Variants in DACH1 observed in about 807,000 individuals in gnomAD.
DACH1 encodes the protein dachshund homolog 1.
In DACH1, 12 loss-of-function variants were observed where a neutral mutation model predicts 54.2. The observed-to-expected ratio is 0.22, with a 90% CI of 0.14 to 0.36. The LOEUF (loss-of-function observed/expected upper bound fraction) is 0.36, where lower values mean the gene tolerates loss of function less well. Among genes scored for constraint, DACH1 ranks in the 10% least tolerant of loss-of-function variants. The pLI is 1.00. For synonymous variants in DACH1, 386 were observed against 366.2 expected (o/e 1.05, Z -0.62); for missense variants, 805 against 929.8 (o/e 0.87, Z 1.75).
intron 1 of DACH1, among the ~76,000 whole-genome samples, chr13:71,685,200 C>A (rs927628599): frequency 1.3e-5 from 2 of 152,136 alleles, no homozygotes; most frequent in African/African-American, 4.8e-5. Flanking sequence ...AGAATAGACC[C>A]GGTGGGCTCC....
At chr13:71,821,759 G>A (rs1888197574) in intron 1 of DACH1, among the ~76,000 whole-genome samples, 2 of 151,864 alleles carry the variant, frequency 1.3e-5, no homozygotes, top group African/African-American at 4.8e-5. Context: ...ACTATTAAAC[G>A]ACTGCAGTAT....
intron 6 of DACH1, among the ~76,000 whole-genome samples, chr13:71,552,840 TATAGAGAGAGAGAG>T (rs1883956966): frequency 1.8e-4 from 3 of 16,860 alleles, no homozygotes; most frequent in Admixed American, 8.2e-4. Flanking sequence ...TATATATATA[TATAGAGAGAGAGAG>T]AGAGAGAGAG....
chr13:71,590,851 C>T (rs1333147584), intron 3 of DACH1, among the ~76,000 whole-genome samples: 1 of 146,384 alleles, frequency 6.8e-6, no homozygotes, highest in Non-Finnish European at 1.5e-5. Context: ...TTCTTTTTCT[C>T]TCTCTGTCTC....
chr13:71,758,052 A>G (rs73525437), intron 1 of DACH1, among the ~76,000 whole-genome samples: 438 of 152,274 alleles, frequency 2.9e-3, no homozygotes, highest in African/African-American at 0.01. Flanking sequence ...TGATAATTTC[A>G]AATATTTTTA....
chr13:71,772,852 T>TA (rs1485298542), intron 1 of DACH1, among the ~76,000 whole-genome samples: 1 of 151,762 alleles, frequency 6.6e-6, no homozygotes. Flanking sequence ...AAATGAGATC[T>TA]AAAAATATGC....
intron 6 of DACH1, among the ~76,000 whole-genome samples, chr13:71,541,481 A>G (rs1418164975): frequency 1.3e-5 from 2 of 152,132 alleles, no homozygotes; most frequent in Non-Finnish European, 2.9e-5. Flanking sequence ...TAAAAACATC[A>G]ATTAAAGAAA....
chr13:71,595,782 G>A (rs1874052543), intron 3 of DACH1, among the ~76,000 whole-genome samples: 1 of 152,012 alleles, frequency 6.6e-6, no homozygotes, highest in Admixed American at 6.6e-5. Context: ...CACTCCTTAG[G>A]AGAGCACAAA....
intron 6 of DACH1, among the ~76,000 whole-genome samples, chr13:71,517,246 T>C (rs1376838793): frequency 6.6e-6 from 1 of 151,894 alleles, no homozygotes; most frequent in Admixed American, 6.6e-5. Context: ...CAAATGGTTG[T>C]AAAAATCTCA....
intron 1 of DACH1, among the ~76,000 whole-genome samples, chr13:71,832,092 T>C (rs546162886): frequency 6.6e-6 from 1 of 152,044 alleles, no homozygotes; most frequent in East Asian, 1.9e-4. Flanking sequence ...TTTGAACGCA[T>C]TTCTTGTGTT....
intron 1 of DACH1, among the ~76,000 whole-genome samples, chr13:71,757,867 A>G (rs1885235604): frequency 1.3e-5 from 2 of 152,080 alleles, no homozygotes; most frequent in Non-Finnish European, 2.9e-5. Context: ...GATAATCACA[A>G]TGGCATTTCT....
intron 4 of DACH1, among the ~76,000 whole-genome samples, chr13:71,560,764 A>G (rs1884533230): frequency 1.3e-5 from 2 of 152,298 alleles, no homozygotes; most frequent in East Asian, 1.9e-4. Flanking sequence ...TATAAATGGA[A>G]TTACAGATTA....
chr13:71,687,141 T>A (rs1881206579), intron 1 of DACH1, among the ~76,000 whole-genome samples: 1 of 152,190 alleles, frequency 6.6e-6, no homozygotes, highest in Non-Finnish European at 1.5e-5. Flanking sequence ...TCCAACTCTG[T>A]GGTTATATTC....
At chr13:71,803,888 T>TA (rs1887384882) in intron 1 of DACH1, among the ~76,000 whole-genome samples, 1 of 152,200 alleles carries the variant, frequency 6.6e-6, no homozygotes, top group Non-Finnish European at 1.5e-5. Flanking sequence ...GCTAGATTCT[T>TA]AGACATCTTG....
intron 4 of DACH1, among the ~76,000 whole-genome samples, chr13:71,561,656 T>A (rs997375003): frequency 1.3e-5 from 2 of 152,134 alleles, no homozygotes; most frequent in African/African-American, 4.8e-5. Flanking sequence ...GTACCCAGTT[T>A]CTGGTTCTTT....
At chr13:71,819,415 T>C (rs1888099782) in intron 1 of DACH1, among the ~76,000 whole-genome samples, 1 of 151,912 alleles carries the variant, frequency 6.6e-6, no homozygotes, top group African/African-American at 2.4e-5. Context: ...GAAGGGCATA[T>C]GGAAAATATC....
intron 2 of DACH1, among the ~76,000 whole-genome samples, chr13:71,645,571 A>G (rs1160886769): frequency 6.6e-6 from 1 of 152,218 alleles, no homozygotes; most frequent in Non-Finnish European, 1.5e-5. Context: ...GGCTTGGGAA[A>G]GTTGTGCTAC....
At chr13:71,605,182 A>T (rs1874782463) in intron 3 of DACH1, among the ~76,000 whole-genome samples, 1 of 151,962 alleles carries the variant, frequency 6.6e-6, no homozygotes, top group African/African-American at 2.4e-5. Context: ...CTATGCCTGT[A>T]TACTAAAAGA....
intron 8 of DACH1, among the ~76,000 whole-genome samples, chr13:71,476,690 T>C (rs1877550329): frequency 6.6e-6 from 1 of 152,114 alleles, no homozygotes; most frequent in Non-Finnish European, 1.5e-5. Flanking sequence ...AATTTAAATA[T>C]TTGTATATGA....
rs1247706316 is a variant in DACH1 at position 71,438,364 on chromosome 13, C to T, written c.*2291G>A. The T allele has an allele frequency of 6.6e-6, 1 of 152,292 alleles. No individual in the cohort carries two copies. Among genetic ancestry groups the T allele is most frequent in the East Asian group, 1.9e-4 (1 of 5,180 alleles). 9.4% of individuals were successfully genotyped at this position (152,292 alleles called of 1,614,324 possible). A position where few individuals can be genotyped will look rare whatever the true frequency, so the allele number is the denominator to read the frequency against. On this transcript the variant is annotated 3_prime_UTR_variant, in exon 11 of 11. Coordinates refer to ENST00000613252, the MANE Select transcript of DACH1 (RefSeq NM_080759.6). Reference sequence around the variant, plus strand: ...CACATTTTACTTGTTTATGCCAAAACACAAATTTCCAAACCAACCTGTATA... The same window carrying T: ...CACATTTTACTTGTTTATGCCAAAATACAAATTTCCAAACCAACCTGTATA...
Sources: allele counts gnomAD v4.1 joint callset (sites outside exome capture counted in the v4.1 genomes callset), GRCh38; gene constraint gnomAD v4.1.1; transcripts MANE v1.5; gene names NCBI Gene and HGNC (gene_info 2026-07-23, HGNC 2026-07-21).